The following ASTN2 variants were observed in gnomAD, a reference collection of about 807,000 sequenced individuals.
ASTN2 encodes the protein astrotactin-2.
ASTN2 carries 54 observed loss-of-function variants against 139.8 expected under a neutral mutation model. That is an observed-to-expected ratio of 0.39 (90% CI 0.31 to 0.48). The LOEUF is 0.48. Ranked by LOEUF, ASTN2 falls within the 20% of genes least tolerant of loss-of-function variation. The pLI, the probability that ASTN2 is intolerant of heterozygous loss-of-function variation, is 0.95. For missense variants in ASTN2, 1,565 were observed against 1,725.1 expected (o/e 0.91, Z 1.64); for synonymous variants, 756 against 719.5 (o/e 1.05, Z -0.81).
chr9:117,003,530 G>GGTGTGTGTGTGTGTGT (rs11271769), intron 7 of ASTN2, among the ~76,000 whole-genome samples: 1,823 of 103,202 alleles, frequency 0.018, 164 homozygotes, highest in South Asian at 0.029. Flanking sequence ...TCTAAAGAGT[G>GGTGTGTGTGTGTGTGT]GTGTGTGTGT....
intron 3 of ASTN2, among the ~76,000 whole-genome samples, chr9:117,161,232 A>G (rs1830543843): frequency 6.6e-6 from 1 of 151,922 alleles, no homozygotes; most frequent in Non-Finnish European, 1.5e-5. Flanking sequence ...TTCTCTTACC[A>G]TGTTGTTTTT....
intron 19 of ASTN2, chr9:116,611,286 G>C (rs145932056): frequency 2.0e-4 from 30 of 152,256 alleles, no homozygotes; most frequent in African/African-American, 7.0e-4. Context: ...TAAAGCAGTA[G>C]TTAAGAGGGA....
intron 16 of ASTN2, among the ~76,000 whole-genome samples, chr9:116,660,559 C>A (rs1858501759): frequency 6.6e-6 from 1 of 152,124 alleles, no homozygotes; most frequent in Non-Finnish European, 1.5e-5. Context: ...CCAATGCTAG[C>A]GTGTCAAGAG....
At chr9:117,264,363 C>G (rs10983591) in intron 2 of ASTN2, among the ~76,000 whole-genome samples, 17,919 of 152,172 alleles carry the variant, frequency 0.12, 1,764 homozygotes, top group African/African-American at 0.26. Flanking sequence ...AATTCTGGCT[C>G]TACCACTCAT....
At chr9:116,961,639 A>G (rs1375025709) in intron 10 of ASTN2, among the ~76,000 whole-genome samples, 1 of 152,212 alleles carries the variant, frequency 6.6e-6, no homozygotes, top group East Asian at 1.9e-4. Flanking sequence ...TGTGAAAAAC[A>G]CTGCTATCAG....
At position 117,041,358 on chromosome 9, in the gene ASTN2, C is replaced by T. The variant is rs61676178; in HGVS notation, c.1277-1393G>A. Among the ~76,000 whole-genome samples the T allele has an allele frequency of 6.1e-3, 925 of 152,154 alleles. 8 individuals carry two copies. The highest frequency in any genetic ancestry group is 0.021 in the African/African-American group (873 of 41,506). ...TAGAATGTCAAATATATTAATAACA[C>T]GTTCAAAACAGGGTACATTATCTTC... On this transcript the variant is annotated intron_variant, in intron 5 of 22. Transcript: ENST00000313400.
chr9:117,333,349 C>T (rs569150956), intron 1 of ASTN2, among the ~76,000 whole-genome samples: 4 of 151,970 alleles, frequency 2.6e-5, no homozygotes, highest in Non-Finnish European at 4.4e-5. Context: ...TGTTCTCTTG[C>T]AAAGGAAAAT....
chr9:117,195,352 CA>C (rs1831470478), intron 3 of ASTN2, among the ~76,000 whole-genome samples: 1 of 152,118 alleles, frequency 6.6e-6, no homozygotes, highest in Non-Finnish European at 1.5e-5. Context: ...AGAAGGTTAG[CA>C]AGTCTGAAGA....
chr9:117,087,942 A>G (rs528331140), intron 5 of ASTN2, among the ~76,000 whole-genome samples: 38 of 152,356 alleles, frequency 2.5e-4, no homozygotes, highest in Middle Eastern at 3.4e-3. Context: ...CAAAGATAAG[A>G]AGAGTACAAA....
chr9:116,993,876 A>ATTTTTT (rs1554767643), intron 7 of ASTN2, among the ~76,000 whole-genome samples: 100 of 142,050 alleles, frequency 7.0e-4, no homozygotes, highest in African/African-American at 2.3e-3. Context: ...ATATATATAT[A>ATTTTTT]TTTTAACTAT....
intron 11 of ASTN2, among the ~76,000 whole-genome samples, chr9:116,858,914 T>G (rs1832808561): frequency 1.3e-5 from 2 of 152,206 alleles, no homozygotes. Flanking sequence ...GTAACGCAAA[T>G]TTATTATCTC....
At chr9:116,464,653 A>G (rs1848598009) in intron 20 of ASTN2, among the ~76,000 whole-genome samples, 1 of 152,196 alleles carries the variant, frequency 6.6e-6, no homozygotes. Context: ...GGGGTAGAAT[A>G]TGAGAAACTG....
At chr9:116,565,215 AAC>A (rs59415099) in intron 19 of ASTN2, among the ~76,000 whole-genome samples, 8,275 of 134,116 alleles carry the variant, frequency 0.062, 268 homozygotes, top group Non-Finnish European at 0.068. Flanking sequence ...GCTTGCCACA[AAC>A]ACACACACAC....
At chr9:117,246,188 G>A (rs1191109717) in intron 2 of ASTN2, among the ~76,000 whole-genome samples, 2 of 152,172 alleles carry the variant, frequency 1.3e-5, no homozygotes, top group Admixed American at 6.5e-5. Flanking sequence ...ACACAAATGT[G>A]AGGAATTAGG....
At chr9:116,622,900 T>C (rs1391058698) in intron 17 of ASTN2, among the ~76,000 whole-genome samples, 1 of 152,202 alleles carries the variant, frequency 6.6e-6, no homozygotes, top group African/African-American at 2.4e-5. Flanking sequence ...GGCACTCTCA[T>C]GAGGACAGAA....
chr9:117,269,503 A>G (rs1310891824), intron 2 of ASTN2, among the ~76,000 whole-genome samples: 1 of 152,166 alleles, frequency 6.6e-6, no homozygotes, highest in African/African-American at 2.4e-5. Context: ...ACTGCTTCTT[A>G]GCTCCAGGGC....
In ASTN2 at chr9:117,185,418, C is replaced by G. The variant is rs534780572; in HGVS notation, c.1015+28940G>C. ...TGGACAGGATATGATGTTTGAGGAT[C>G]TGCCACATTCACAGATGCGTGCTTT... On this transcript the variant is annotated intron_variant, in intron 3 of 22. Transcript: ENST00000313400. Among the ~76,000 whole-genome samples the G allele has an allele frequency of 2.0e-5, 3 of 152,286 alleles. No individual in the cohort carries two copies. The South Asian group carries it at 6.2e-4, about 32-fold the overall frequency.
intron 2 of ASTN2, among the ~76,000 whole-genome samples, chr9:117,249,685 G>A (rs543403026): frequency 1.5e-5 from 2 of 135,670 alleles, no homozygotes; most frequent in Admixed American, 1.7e-4. Context: ...GAAAACCACT[G>A]ACATTGTCTT....
At chr9:117,347,382 G>C (rs1426938818) in intron 1 of ASTN2, among the ~76,000 whole-genome samples, 1 of 151,900 alleles carries the variant, frequency 6.6e-6, no homozygotes, top group Admixed American at 6.6e-5. Flanking sequence ...CCACCACCTG[G>C]GAGGTTGCCC....
Sources: gnomAD v4.1 joint callset for allele counts (sites outside exome capture counted in the v4.1 genomes callset) on GRCh38, gnomAD v4.1.1 for gene constraint, MANE v1.5 for transcripts, NCBI Gene and HGNC (gene_info 2026-07-23, HGNC 2026-07-21) for gene names.